MGAT4C: variants seen among roughly 807,000 people sequenced by gnomAD.
MGAT4C encodes MGAT4 family member C, also known as alpha-1,3-mannosyl-glycoprotein 4-beta-N-acetylglucosaminyltransferase C.
In MGAT4C, 19 loss-of-function variants were observed where a neutral mutation model predicts 40.1. That is an observed-to-expected ratio of 0.47 (90% CI 0.33 to 0.70). The LOEUF is 0.70. Ranked by LOEUF, MGAT4C falls within the 30% of genes least tolerant of loss-of-function variation. The pLI is 0.02. For missense variants in MGAT4C, 491 were observed against 563.2 expected, an observed-to-expected ratio of 0.87 and a Z score of 1.30; for synonymous variants, 181 against 187.1, an observed-to-expected ratio of 0.97 and a Z score of 0.27.
chr12:86,428,070 A>AC (rs397967410), intron 3 of MGAT4C, among the ~76,000 whole-genome samples: 1 of 151,964 alleles, frequency 6.6e-6, no homozygotes, highest in East Asian at 1.9e-4. Flanking sequence ...CAACAAAAAA[A>AC]CCCGCTAATA....
chr12:86,480,269 A>G (rs753736329), intron 2 of MGAT4C, among the ~76,000 whole-genome samples: 21 of 151,784 alleles, frequency 1.4e-4, no homozygotes, highest in Non-Finnish European at 2.5e-4. Context: ...GCTTTTGGAA[A>G]CAAAATGAAA....
chr12:86,583,858 G>A (rs1960894067), intron 2 of MGAT4C, among the ~76,000 whole-genome samples: 2 of 150,834 alleles, frequency 1.3e-5, no homozygotes, highest in African/African-American at 2.4e-5. Flanking sequence ...CTTTCTTAAC[G>A]TTTTGCAATC....
At chr12:86,031,098 A>G (rs1177544700) in intron 2 of MGAT4C, among the ~76,000 whole-genome samples, 1 of 151,306 alleles carries the variant, frequency 6.6e-6, no homozygotes, top group Non-Finnish European at 1.5e-5. Flanking sequence ...GGTTCTCTTC[A>G]CATTATAAAT....
chr12:86,630,067 G>A (rs1357719936), intron 2 of MGAT4C, among the ~76,000 whole-genome samples: 1 of 151,896 alleles, frequency 6.6e-6, no homozygotes, highest in African/African-American at 2.4e-5. Flanking sequence ...ATGATAAAAG[G>A]GATATCACCA....
chr12:86,522,915 G>C (rs1249343754), intron 2 of MGAT4C, among the ~76,000 whole-genome samples: 1 of 151,670 alleles, frequency 6.6e-6, no homozygotes, highest in Non-Finnish European at 1.5e-5. Flanking sequence ...ATTGTTTGAG[G>C]GTTATTTGTA....
chr12:85,969,475 C>A lies in MGAT4C; in HGVS notation c.*9814G>T, dbSNP rs1456691755. 1 of 151,228 alleles carries A rather than the reference C, an allele frequency of 6.6e-6. No homozygotes were observed. The highest frequency in any genetic ancestry group is 2.4e-5 in the African/African-American group (1 of 41,280). The allele number at this position is 151,228 out of a possible 1,614,324, so 9.4% of individuals were successfully genotyped here. On this transcript the variant is annotated 3_prime_UTR_variant, in exon 5 of 5. Transcript: ENST00000611864. ...TTGGAGTCTTTTAGTGTACCCAGAGCCCATGAGTTTTTATTTTCTTTTTGG... is the reference window on the plus strand; with the variant it reads ...TTGGAGTCTTTTAGTGTACCCAGAGACCATGAGTTTTTATTTTCTTTTTGG...
At chr12:86,339,581 T>A (rs2136182004) in intron 3 of MGAT4C, among the ~76,000 whole-genome samples, 1 of 152,286 alleles carries the variant, frequency 6.6e-6, no homozygotes, top group South Asian at 2.1e-4. Context: ...TATATAAAAA[T>A]ATGTTTTCTT....
intron 1 of MGAT4C, among the ~76,000 whole-genome samples, chr12:86,803,426 A>C (rs1326988391): frequency 6.6e-6 from 1 of 152,020 alleles, no homozygotes; most frequent in Non-Finnish European, 1.5e-5. Context: ...GGATCTAATT[A>C]AACTAAAGAG....
At chr12:86,592,604 C>T (rs1025699222) in intron 2 of MGAT4C, among the ~76,000 whole-genome samples, 3 of 152,028 alleles carry the variant, frequency 2.0e-5, no homozygotes, top group Non-Finnish European at 4.4e-5. Context: ...AGGGATATAC[C>T]ATTAAATCTG....
chr12:86,326,844 A>C (rs979308375), intron 4 of MGAT4C, among the ~76,000 whole-genome samples: 22 of 152,264 alleles, frequency 1.4e-4, no homozygotes, highest in Admixed American at 3.9e-4. Context: ...AGTCACTTTA[A>C]AGGAGCCTTA....
intron 2 of MGAT4C, among the ~76,000 whole-genome samples, chr12:86,003,695 A>G (rs1267703315): frequency 1.3e-5 from 2 of 152,138 alleles, no homozygotes; most frequent in Non-Finnish European, 2.9e-5. Context: ...AGTAATAAAT[A>G]CTCACTAAAT....
intron 1 of MGAT4C, among the ~76,000 whole-genome samples, chr12:86,211,914 T>C (rs1489146300): frequency 6.6e-6 from 1 of 152,182 alleles, no homozygotes; most frequent in Non-Finnish European, 1.5e-5. Flanking sequence ...ATATTATCTT[T>C]TGCACCATGT....
At chr12:86,682,452 C>A (rs1455107381) in intron 2 of MGAT4C, among the ~76,000 whole-genome samples, 1 of 151,954 alleles carries the variant, frequency 6.6e-6, no homozygotes, top group African/African-American at 2.4e-5. Context: ...TTCTCTGAAC[C>A]ATTTAATAAG....
At chr12:86,417,633 G>A (rs1490836769) in intron 3 of MGAT4C, among the ~76,000 whole-genome samples, 1 of 151,960 alleles carries the variant, frequency 6.6e-6, no homozygotes, top group Non-Finnish European at 1.5e-5. Context: ...ATAAATGGTT[G>A]GCTTAATATT....
At chr12:86,081,765 A>T (rs1296545791) in intron 1 of MGAT4C, among the ~76,000 whole-genome samples, 1 of 152,086 alleles carries the variant, frequency 6.6e-6, no homozygotes, top group Non-Finnish European at 1.5e-5. Context: ...AAAGGAAAAA[A>T]ATGTGCTCTA....
intron 2 of MGAT4C, among the ~76,000 whole-genome samples, chr12:86,630,942 T>A (rs1321021987): frequency 6.6e-6 from 1 of 152,104 alleles, no homozygotes; most frequent in Non-Finnish European, 1.5e-5. Context: ...CGTATTCAAT[T>A]AGGAAAAGAG....
intron 2 of MGAT4C, among the ~76,000 whole-genome samples, chr12:85,992,080 G>A (rs1003650665): frequency 3.9e-5 from 6 of 152,168 alleles, no homozygotes; most frequent in Non-Finnish European, 7.3e-5. Flanking sequence ...CAGGGTCTGC[G>A]GAAAGGTAAG....
At chr12:86,558,706 T>C (rs980349879) in intron 2 of MGAT4C, among the ~76,000 whole-genome samples, 1 of 151,946 alleles carries the variant, frequency 6.6e-6, no homozygotes, top group Non-Finnish European at 1.5e-5. Flanking sequence ...CACATGGAAG[T>C]GTAAAACTCA....
chr12:86,678,239 T>C (rs1001524265), intron 2 of MGAT4C, among the ~76,000 whole-genome samples: 1 of 152,056 alleles, frequency 6.6e-6, no homozygotes, highest in Non-Finnish European at 1.5e-5. Flanking sequence ...TTTCAGTCAA[T>C]GGCGCCACCA....
Sources: gnomAD v4.1 joint callset for allele counts (sites outside exome capture counted in the v4.1 genomes callset) on GRCh38, gnomAD v4.1.1 for gene constraint, MANE v1.5 for transcripts, NCBI Gene and HGNC (gene_info 2026-07-23, HGNC 2026-07-21) for gene names.